The following ATP6V0A1 variants were observed in gnomAD, a reference collection of about 807,000 sequenced individuals.
ATP6V0A1 encodes the protein ATPase H+ transporting V0 subunit a1.
In ATP6V0A1, 43 loss-of-function variants were observed where a neutral mutation model predicts 105.4. The ratio of observed to expected loss-of-function variants is 0.41; its 90% confidence interval spans 0.32 to 0.53. The LOEUF is 0.53. ATP6V0A1 is among the 20% of genes least tolerant of loss of function. The pLI is 0.30. For missense variants in ATP6V0A1, 676 were observed against 1,051.1 expected (o/e 0.64, Z 4.93); for synonymous variants, 362 against 372.8 (o/e 0.97, Z 0.33).
intron 3 of ATP6V0A1, 26 bp downstream of exon 3, chr17:42,466,533 T>C (rs2087083834): frequency 6.3e-7 from 1 of 1,576,850 alleles, no homozygotes; most frequent in Admixed American, 1.7e-5. Context: ...TCTTGTGTAA[T>C]GTTCCTTTAA....
At chr17:42,495,326 C>A in intron 13 of ATP6V0A1, 138 bp downstream of exon 13, 1 of 971,748 alleles carries the variant, frequency 1.0e-6, no homozygotes, top group Non-Finnish European at 1.5e-6. Context: ...CTGTGAGTTG[C>A]TTTGTGATTT....
At chr17:42,466,097 A>C (rs1449937224) in intron 2 of ATP6V0A1, among the ~76,000 whole-genome samples, 1 of 152,238 alleles carries the variant, frequency 6.6e-6, no homozygotes, top group Non-Finnish European at 1.5e-5. Flanking sequence ...GGAAAACCAG[A>C]GAGAGCTTCT....
intron 9 of ATP6V0A1, among the ~76,000 whole-genome samples, chr17:42,486,638 A>G (rs2090140184): frequency 1.3e-5 from 2 of 152,272 alleles, no homozygotes; most frequent in Admixed American, 6.5e-5. Context: ...AGCCCCCTGT[A>G]AAGATCACAG....
In ATP6V0A1 at chr17:42,494,426, A is replaced by T. The variant is rs1321370310; in HGVS notation, c.1267A>T (p.Met423Leu). 1 of 1,613,530 alleles carries T rather than the reference A, an allele frequency of 6.2e-7. No individual in the cohort carries two copies. The highest frequency in any genetic ancestry group is 1.7e-4 in the Middle Eastern group (1 of 6,060). ...GILMTLFAVW[M>L]VLRESRILSQ... The stretch of plus-strand genomic sequence containing the variant: ...TTTAATGACCCTTTTTGCTGTGTGG[A>T]TGGTACTGAGGGAGAGCCGGATCCT... Residue 423 changes from methionine (M) to leucine (L), a missense_variant, in exon 12 of 22, where the codon ATG becomes TTG. Around this residue, in one of 3 missense-constraint regions of ATP6V0A1, gnomAD observed 435 missense variants for 642.2 expected, o/e 0.68. Transcript: ENST00000343619.
intron 17 of ATP6V0A1, among the ~76,000 whole-genome samples, chr17:42,506,518 T>C (rs182385659): frequency 6.6e-6 from 1 of 152,374 alleles, no homozygotes; most frequent in African/African-American, 2.4e-5. Flanking sequence ...TCCTGCACGC[T>C]ACTCATGCTG....
chr17:42,459,100 C>T (rs1211440232), intron 1 of ATP6V0A1, 137 bp downstream of exon 1: 1 of 152,276 alleles, frequency 6.6e-6, no homozygotes, highest in Non-Finnish European at 1.5e-5. Context: ...GGTTCGCCCC[C>T]TCCTTGGGCA....
At chr17:42,497,256 C>G (rs535931743) in intron 14 of ATP6V0A1, among the ~76,000 whole-genome samples, 5 of 139,710 alleles carry the variant, frequency 3.6e-5, no homozygotes, top group Non-Finnish European at 6.0e-5. Flanking sequence ...GCCAAGATCA[C>G]GTAACTGCAC....
At chr17:42,504,060 T>C (rs2091869252) in intron 17 of ATP6V0A1, among the ~76,000 whole-genome samples, 1 of 152,206 alleles carries the variant, frequency 6.6e-6, no homozygotes, top group Non-Finnish European at 1.5e-5. Flanking sequence ...AAGTTAAAAG[T>C]TCCCCGTTTG....
intron 19 of ATP6V0A1, chr17:42,513,427 A>G (rs1259675734): frequency 3.0e-5 from 5 of 166,454 alleles, no homozygotes; most frequent in Non-Finnish European, 2.6e-5. Flanking sequence ...CCTGAAGCGC[A>G]CTCTGGGGAA....
chr17:42,479,362 A>G (rs187479825), intron 7 of ATP6V0A1, among the ~76,000 whole-genome samples: 3 of 152,368 alleles, frequency 2.0e-5, no homozygotes, highest in East Asian at 1.9e-4. Context: ...CGCACAAAAT[A>G]GGATGATCTT....
chr17:42,459,529 A>G (rs2086156846), intron 1 of ATP6V0A1, among the ~76,000 whole-genome samples: 1 of 152,204 alleles, frequency 6.6e-6, no homozygotes, highest in Non-Finnish European at 1.5e-5. Context: ...TGCTATAGAG[A>G]TATTCTTGGG....
chr17:42,482,895 C>CA (rs71359573), intron 8 of ATP6V0A1, 143 bp from the exon 9 acceptor site: 13,398 of 147,570 alleles, frequency 0.091, 55 homozygotes, highest in Middle Eastern at 0.11. Flanking sequence ...AACTCTGTCT[C>CA]AAAAAAAAAA....
intron 13 of ATP6V0A1, 103 bp from the exon 14 acceptor site, chr17:42,495,523 G>T (rs2091071217): frequency 1.1e-6 from 1 of 873,014 alleles, no homozygotes. Flanking sequence ...TTTTATTGAA[G>T]AGACAAGATA....
intron 19 of ATP6V0A1, 89 bp from the exon 20 acceptor site, chr17:42,513,772 G>A: frequency 7.8e-7 from 1 of 1,281,972 alleles, no homozygotes; most frequent in Non-Finnish European, 1.1e-6. Context: ...CCCTGGCCCA[G>A]GTTCAAAGCG....
At chr17:42,508,098 C>CT (rs898177641) in intron 18 of ATP6V0A1, among the ~76,000 whole-genome samples, 6 of 152,294 alleles carry the variant, frequency 3.9e-5, no homozygotes, top group Admixed American at 2.0e-4. Flanking sequence ...TTTGTTTGAG[C>CT]TTTTTTGGTG....
Position 42,489,282 on chromosome 17 carries a change from C to T in ATP6V0A1, c.1024-1205C>T, listed in dbSNP as rs557988088. 4.0e-5 allele frequency among the ~76,000 whole-genome samples: 6 copies of T among 151,876 alleles called. No individual in the cohort carries two copies. In the East Asian group the frequency reaches 5.9e-4, roughly 15 times the overall value. Reference sequence around the variant, plus strand: ...TTTTAGTGGAGACGGGGTTTCATCACGTTGACCAAGCTGGTGTCGAACTCC... The same window carrying T: ...TTTTAGTGGAGACGGGGTTTCATCATGTTGACCAAGCTGGTGTCGAACTCC... On this transcript the variant is annotated intron_variant, in intron 10 of 21. Transcript: ENST00000343619.
Position 42,483,029 on chromosome 17 carries a change from A to G in ATP6V0A1, c.717-9A>G, listed in dbSNP as rs1175063598. 6.9e-7 allele frequency: 1 copy of G among 1,458,980 alleles called. No individual in the cohort carries two copies. Among genetic ancestry groups the G allele is most frequent in the Non-Finnish European group, 9.1e-7 (1 of 1,096,242 alleles). The allele number at this position is 1,458,980 out of a possible 1,614,324, so 90.4% of individuals were successfully genotyped here. A position where few individuals can be genotyped will look rare whatever the true frequency, so the allele number is the denominator to read the frequency against. ...TAAGTTAAGAAACTTCGATGTTCTT[A>G]TATTCCAGGTTCCGAGCCTCACTCT... On this transcript the variant is annotated splice_polypyrimidine_tract_variant and intron_variant, in intron 8 of 21. Coordinates refer to ENST00000343619, the MANE Select transcript of ATP6V0A1 (RefSeq NM_001130021.3).
In ATP6V0A1 at chr17:42,480,674, A is replaced by G. The variant is rs772806504; in HGVS notation, c.641A>G (p.Tyr214Cys). 2 of 1,611,674 alleles carry G rather than the reference A, an allele frequency of 1.2e-6. No individual in the cohort carries two copies. Among genetic ancestry groups the G allele is most frequent in the African/African-American group, 2.7e-5 (2 of 74,768 alleles). ...NPLEDPVTGD[Y>C]VHKSVFIIFF... is the part of the protein sequence containing the mutation. ...TTTTATTCTGGGGCCTAGGGCGACT[A>G]CGTGCACAAGTCTGTGTTTATCATT... Residue 214 changes from tyrosine (Y) to cysteine (C), a missense_variant, in exon 8 of 22, where the codon TAC becomes TGC. By Grantham distance (194) the Tyr-to-Cys change is radical. This residue lies in a region of ATP6V0A1 where 239 missense variants were observed against 388.4 expected (regional missense o/e 0.62). Transcript: ENST00000343619.
Position 42,470,114 on chromosome 17 carries a change from G to T in ATP6V0A1, c.319G>T (p.Glu107Ter). 6.2e-7 allele frequency: 1 copy of T among 1,607,894 alleles called. No homozygotes were observed. The highest frequency in any genetic ancestry group is 1.1e-5 in the South Asian group (1 of 90,334). ...LEANFEKIEN[E>*]LKEINTNQEA... is the part of the protein sequence containing the mutation. The stretch of plus-strand genomic sequence containing the variant: ...GGCCAATTTTGAGAAGATTGAAAAT[G>T]AACTGAAGGAAATCAACACAAACCA... Residue 107 changes from glutamate (E) to a stop codon, truncating the protein, a stop_gained, in exon 5 of 22, where the codon GAA becomes TAA. Transcript: ENST00000343619. LOFTEE classifies it high-confidence loss of function.
Sources: gnomAD v4.1 joint callset for allele counts (sites outside exome capture counted in the v4.1 genomes callset) on GRCh38, gnomAD v4.1.1 for gene constraint, gnomAD v4.1.1 regional missense constraint, MANE v1.5 for transcripts, NCBI Gene and HGNC (gene_info 2026-07-23, HGNC 2026-07-21) for gene names.